Variants in PDE8B observed in about 807,000 individuals in gnomAD.
PDE8B encodes the protein phosphodiesterase 8B.
Under a neutral mutation model 101.3 loss-of-function variants are expected in PDE8B, and 26 were observed. The observed-to-expected ratio is 0.26, with a 90% CI of 0.19 to 0.36. The LOEUF is 0.36. Among genes scored for constraint, PDE8B ranks in the 10% least tolerant of loss-of-function variants. The probability of loss-of-function intolerance (pLI) is 1.00; values close to 1 mark genes in which losing one functional copy is unlikely to be tolerated. For synonymous variants in PDE8B, 424 were observed against 429.3 expected (o/e 0.99, Z 0.15); for missense variants, 810 against 1,163.1 (o/e 0.70, Z 4.42).
At chr5:77,141,216 A>G in the PDE8B span, 1 of 152,212 alleles carries the variant, frequency 6.6e-6, no homozygotes, top group Non-Finnish European at 1.5e-5. Context: ...TTAACATGCT[A>G]CCTTGAACCT....
intron 1 of PDE8B, among the ~76,000 whole-genome samples, chr5:77,214,833 G>C (rs750653178): frequency 6.6e-6 from 1 of 152,134 alleles, no homozygotes; most frequent in Non-Finnish European, 1.5e-5. Flanking sequence ...CTTGGGTGGG[G>C]CCTGAGAATT....
chr5:77,237,222 T>C (rs1754875990), intron 1 of PDE8B, among the ~76,000 whole-genome samples: 1 of 152,184 alleles, frequency 6.6e-6, no homozygotes, highest in African/African-American at 2.4e-5. Flanking sequence ...ACAATTTCTG[T>C]CTTTTAATTG....
chr5:77,242,978 C>T (rs1444598505), intron 1 of PDE8B, among the ~76,000 whole-genome samples: 1 of 152,096 alleles, frequency 6.6e-6, no homozygotes, highest in African/African-American at 2.4e-5. Flanking sequence ...ATTTCTTTTT[C>T]TTATTAGATT....
chr5:77,224,559 GAGA>G (rs1421121616), intron 1 of PDE8B, among the ~76,000 whole-genome samples: 15 of 152,190 alleles, frequency 9.9e-5, no homozygotes, highest in Non-Finnish European at 1.8e-4. Context: ...AACTCTGAAA[GAGA>G]AGGACTGTTT....
At chr5:77,363,361 T>C (rs1360560171) in intron 10 of PDE8B, among the ~76,000 whole-genome samples, 1 of 152,038 alleles carries the variant, frequency 6.6e-6, no homozygotes, top group Admixed American at 6.5e-5. Flanking sequence ...GCTTGGGAAG[T>C]GAGGGGATGA....
chr5:77,202,709 T>C, the PDE8B span, among the ~76,000 whole-genome samples: 2 of 151,994 alleles, frequency 1.3e-5, no homozygotes, highest in Non-Finnish European at 2.9e-5. Context: ...CTAGGCTCAC[T>C]GTAACCTCTG....
At chr5:77,290,280 C>G (rs1349409035) in intron 1 of PDE8B, 1 of 1,557,544 alleles carries the variant, frequency 6.4e-7, no homozygotes, top group Non-Finnish European at 8.8e-7. Flanking sequence ...GTCCACTCTC[C>G]TCATCAATCA....
intron 1 of PDE8B, among the ~76,000 whole-genome samples, chr5:77,268,120 C>T (rs993833785): frequency 5.9e-5 from 9 of 151,912 alleles, no homozygotes; most frequent in African/African-American, 2.2e-4. Flanking sequence ...GGGATAGTGA[C>T]TACCACTGAC....
At chr5:77,099,114 G>T in the PDE8B span, among the ~76,000 whole-genome samples, 1 of 152,134 alleles carries the variant, frequency 6.6e-6, no homozygotes, top group Non-Finnish European at 1.5e-5. Flanking sequence ...TTTTGGCTTG[G>T]ATACTTATGA....
At chr5:77,146,119 T>G in the PDE8B span, 1 of 152,236 alleles carries the variant, frequency 6.6e-6, no homozygotes, top group African/African-American at 2.4e-5. Flanking sequence ...GTCTTTAGTT[T>G]TATAGATTGA....
chr5:77,226,562 A>G (rs765632338), intron 1 of PDE8B, among the ~76,000 whole-genome samples: 3 of 152,214 alleles, frequency 2.0e-5, no homozygotes, highest in Non-Finnish European at 2.9e-5. Flanking sequence ...CTATGCCTAT[A>G]TATTTTCATA....
At chr5:77,131,363 A>G in the PDE8B span, among the ~76,000 whole-genome samples, 528 of 152,280 alleles carry the variant, frequency 3.5e-3, 4 homozygotes, top group African/African-American at 0.011. Flanking sequence ...CCCAAGCCCA[A>G]TGGCTCAGGC....
chr5:77,320,897 T>C (rs1031876314), intron 2 of PDE8B, among the ~76,000 whole-genome samples: 9 of 152,196 alleles, frequency 5.9e-5, no homozygotes, highest in African/African-American at 2.2e-4. Flanking sequence ...CACAGAATAT[T>C]AAAGCTGAAG....
intron 7 of PDE8B, among the ~76,000 whole-genome samples, chr5:77,346,225 A>T (rs1545774): frequency 0.6 from 91,062 of 152,056 alleles, 27,451 homozygotes; most frequent in African/African-American, 0.66. Context: ...CTTCCTCATG[A>T]TGCTGGCTCT....
chr5:77,123,268 C>T, the PDE8B span, among the ~76,000 whole-genome samples: 166 of 152,130 alleles, frequency 1.1e-3, no homozygotes, highest in African/African-American at 3.8e-3. Flanking sequence ...TAGCTCCTCA[C>T]GAAGCCACTC....
chr5:77,134,036 A>T, the PDE8B span, among the ~76,000 whole-genome samples: 1 of 152,192 alleles, frequency 6.6e-6, no homozygotes, highest in Non-Finnish European at 1.5e-5. Context: ...ATCTGTAGTC[A>T]TGGAAGCACA....
chr5:77,228,616 A>T (rs1445679048), intron 1 of PDE8B, among the ~76,000 whole-genome samples: 6 of 152,122 alleles, frequency 3.9e-5, no homozygotes, highest in Admixed American at 2.0e-4. Context: ...AGGGGGTAAA[A>T]TACCTGAGGA....
the PDE8B span, among the ~76,000 whole-genome samples, chr5:77,088,959 A>G: frequency 6.6e-6 from 1 of 152,150 alleles, no homozygotes; most frequent in South Asian, 2.1e-4. Flanking sequence ...AATATCCTTA[A>G]AAGAAGAACA....
the PDE8B span, among the ~76,000 whole-genome samples, chr5:77,179,821 A>G: frequency 9.9e-5 from 15 of 152,100 alleles, no homozygotes; most frequent in African/African-American, 3.6e-4. Context: ...TTGGCCTCTC[A>G]AAGTGTCAGG....
Sources: gnomAD v4.1 joint callset for allele counts (sites outside exome capture counted in the v4.1 genomes callset) on GRCh38, gnomAD v4.1.1 for gene constraint, MANE v1.5 for transcripts, NCBI Gene and HGNC (gene_info 2026-07-23, HGNC 2026-07-21) for gene names.